EYA4: variants seen among roughly 807,000 people sequenced by gnomAD.
EYA4 encodes EYA transcriptional coactivator and phosphatase 4.
A neutral mutation model predicts 87.9 loss-of-function variants in EYA4; 31 were observed. That is an observed-to-expected ratio of 0.35 (90% confidence interval 0.27 to 0.48). The LOEUF (loss-of-function observed/expected upper bound fraction) is 0.48. Ranked by LOEUF, EYA4 falls within the 20% of genes least tolerant of loss-of-function variation. EYA4 has a pLI of 0.99. For missense variants in EYA4, 678 were observed against 761.4 expected (o/e 0.89, Z 1.29); for synonymous variants, 263 against 270.6 (o/e 0.97, Z 0.28).
At chr6:133,516,336 G>A (rs1285059038) in intron 17 of EYA4, among the ~76,000 whole-genome samples, 1 of 151,692 alleles carries the variant, frequency 6.6e-6, no homozygotes, top group African/African-American at 2.4e-5. Flanking sequence ...AAAACCCCGT[G>A]ACCTATATAG....
At chr6:133,382,802 A>T (rs1362536581) in intron 3 of EYA4, among the ~76,000 whole-genome samples, 1 of 151,914 alleles carries the variant, frequency 6.6e-6, no homozygotes, top group Admixed American at 6.6e-5. Context: ...TACAAAAAAA[A>T]AAAAAAAACT....
At chr6:133,486,610 T>A (rs1212949294) in intron 13 of EYA4, among the ~76,000 whole-genome samples, 2 of 151,830 alleles carry the variant, frequency 1.3e-5, no homozygotes, top group African/African-American at 4.8e-5. Context: ...AAAATAAAAC[T>A]AGGTCGTATA....
chr6:133,294,060 T>TATATATAG (rs1562257741), intron 2 of EYA4, among the ~76,000 whole-genome samples: 1 of 94,894 alleles, frequency 1.1e-5, no homozygotes, highest in South Asian at 3.5e-4. Flanking sequence ...TATATATATA[T>TATATATAG]ATAATTCTAT....
chr6:133,450,366 T>A (rs1347301913), intron 5 of EYA4, among the ~76,000 whole-genome samples: 1 of 152,222 alleles, frequency 6.6e-6, no homozygotes, highest in Non-Finnish European at 1.5e-5. Flanking sequence ...AAGAATAAAC[T>A]ATTTTATTTT....
intron 2 of EYA4, among the ~76,000 whole-genome samples, chr6:133,312,409 C>CACAG (rs1554223273): frequency 6.7e-5 from 10 of 148,730 alleles, no homozygotes; most frequent in East Asian, 5.9e-4. Flanking sequence ...CACACACACA[C>CACAG]AGAGATAAAG....
chr6:133,383,155 T>C (rs1327842826), intron 3 of EYA4, among the ~76,000 whole-genome samples: 1 of 152,252 alleles, frequency 6.6e-6, no homozygotes, highest in Non-Finnish European at 1.5e-5. Flanking sequence ...TTAACCTATG[T>C]GTATTCAGTT....
At chr6:133,420,655 C>T (rs1790141740) in intron 3 of EYA4, among the ~76,000 whole-genome samples, 1 of 152,320 alleles carries the variant, frequency 6.6e-6, no homozygotes. Flanking sequence ...GCAGGGACAA[C>T]CTTGATGACC....
intron 2 of EYA4, among the ~76,000 whole-genome samples, chr6:133,351,308 G>A (rs556154137): frequency 6.6e-6 from 1 of 152,290 alleles, no homozygotes; most frequent in Non-Finnish European, 1.5e-5. Flanking sequence ...CTAGCTCCCT[G>A]TAAACTGCAT....
intron 5 of EYA4, among the ~76,000 whole-genome samples, chr6:133,455,595 T>G (rs1793830531): frequency 6.6e-6 from 1 of 152,206 alleles, no homozygotes; most frequent in South Asian, 2.1e-4. Flanking sequence ...TGTTCTTTTT[T>G]GTCCTTTGGC....
intron 19 of EYA4, among the ~76,000 whole-genome samples, chr6:133,527,681 G>T (rs746849452): frequency 1.3e-4 from 20 of 152,236 alleles, no homozygotes; most frequent in Non-Finnish European, 2.2e-4. Context: ...GCCACATGTG[G>T]CTGGTGGCTA....
chr6:133,294,564 C>T (rs1778807440), intron 2 of EYA4, among the ~76,000 whole-genome samples: 1 of 151,236 alleles, frequency 6.6e-6, no homozygotes, highest in African/African-American at 2.4e-5. Flanking sequence ...TACATTTCTT[C>T]TTCTTTTTTT....
chr6:133,316,994 T>C (rs1294638869), intron 2 of EYA4, among the ~76,000 whole-genome samples: 1 of 152,134 alleles, frequency 6.6e-6, no homozygotes, highest in Non-Finnish European at 1.5e-5. Flanking sequence ...TTTTGGACCA[T>C]TGAGGCCTCA....
chr6:133,466,647 T>C (rs1261520490), intron 10 of EYA4, among the ~76,000 whole-genome samples: 1 of 152,060 alleles, frequency 6.6e-6, no homozygotes, highest in Admixed American at 6.6e-5. Flanking sequence ...GGCTTCTCTA[T>C]GGAAACCACA....
rs143867288 is a variant in EYA4 at position 133,506,218 on chromosome 6, A to G, written c.1281+23A>G. 381 of 1,282,474 alleles carry G rather than the reference A, an allele frequency of 3.0e-4. 4 individuals carry two copies. The East Asian group carries it at 8.0e-3, about 27-fold the overall frequency. The allele number at this position is 1,282,474 out of a possible 1,614,324, so 79.4% of individuals were successfully genotyped here. Reference sequence around the variant, plus strand: ...GAGGTAAGAATTTTACAAGGTACAAATAGTTGTATCCAACACCAGACCTCC... The same window carrying G: ...GAGGTAAGAATTTTACAAGGTACAAGTAGTTGTATCCAACACCAGACCTCC... On this transcript the variant is annotated intron_variant, in intron 14 of 19. Coordinates refer to ENST00000355286, the MANE Select transcript of EYA4 (RefSeq NM_004100.5).
chr6:133,284,040 C>T (rs758416096), intron 2 of EYA4, among the ~76,000 whole-genome samples: 1 of 152,196 alleles, frequency 6.6e-6, no homozygotes, highest in Admixed American at 6.5e-5. Context: ...CGTGAACTCA[C>T]CTGCTTCCAT....
intron 3 of EYA4, among the ~76,000 whole-genome samples, chr6:133,415,711 C>T (rs895454079): frequency 3.9e-5 from 6 of 152,238 alleles, no homozygotes; most frequent in African/African-American, 1.4e-4. Context: ...TCCAACTCCT[C>T]TGTGCACTTT....
At chr6:133,362,825 C>T (rs212831) in intron 2 of EYA4, among the ~76,000 whole-genome samples, 75,220 of 152,058 alleles carry the variant, frequency 0.49, 20,601 homozygotes, top group Non-Finnish European at 0.62. Context: ...CCCTCTCTGC[C>T]CCTGATTCCC....
intron 1 of EYA4, among the ~76,000 whole-genome samples, chr6:133,253,073 A>G (rs557754171): frequency 6.6e-6 from 1 of 152,168 alleles, no homozygotes; most frequent in South Asian, 2.1e-4. Flanking sequence ...CAAATACAGC[A>G]TACTGTGTTT....
rs915537780 is a variant in EYA4, at chr6:133,298,325, G to A, written c.33+23512G>A. Among the ~76,000 whole-genome samples the A allele has an allele frequency of 7.9e-5, 12 of 152,166 alleles. 1 individual carries two copies. In the East Asian group the frequency reaches 1.4e-3, roughly 17 times the overall value. Reference sequence around the variant, plus strand: ...TCTGGAAGCAGCCAATTTTTCTGACGAATCCGGCTTCTTTTGATGAGAAGC... The same window carrying A: ...TCTGGAAGCAGCCAATTTTTCTGACAAATCCGGCTTCTTTTGATGAGAAGC... On this transcript the variant is annotated intron_variant, in intron 2 of 19. Coordinates refer to ENST00000355286, the MANE Select transcript of EYA4 (RefSeq NM_004100.5).
Sources: allele counts gnomAD v4.1 joint callset (sites outside exome capture counted in the v4.1 genomes callset), GRCh38; gene constraint gnomAD v4.1.1; transcripts MANE v1.5; gene names NCBI Gene and HGNC (gene_info 2026-07-23, HGNC 2026-07-21).